Variants in ZMPSTE24 observed in about 807,000 individuals in gnomAD.
ZMPSTE24 encodes the protein CAAX prenyl protease 1 homolog.
A neutral mutation model predicts 56.7 loss-of-function variants in ZMPSTE24; 48 were observed. The observed-to-expected ratio is 0.85, with a 90% CI of 0.67 to 1.08. The LOEUF is 1.08. Among genes scored for constraint, ZMPSTE24 ranks in the 50% least tolerant of loss-of-function variants. The pLI is 0.00. For synonymous variants in ZMPSTE24, 172 were observed against 195.2 expected, an observed-to-expected ratio of 0.88 and a Z score of 0.99; for missense variants, 503 against 548.7, an observed-to-expected ratio of 0.92 and a Z score of 0.83.
At chr1:40,260,055 CT>C (rs11383054) in intron 1 of ZMPSTE24, among the ~76,000 whole-genome samples, 154 of 84,358 alleles carry the variant, frequency 1.8e-3, no homozygotes, top group South Asian at 2.5e-3. Flanking sequence ...GATCTTTCTC[CT>C]TTTTTTTTTT....
intron 8 of ZMPSTE24, among the ~76,000 whole-genome samples, chr1:40,287,385 T>C (rs923914341): frequency 7.9e-5 from 12 of 152,136 alleles, no homozygotes; most frequent in African/African-American, 2.9e-4. Flanking sequence ...ATTTTTTTCA[T>C]TTAAAAGTTA....
chr1:40,285,973 C>T lies in ZMPSTE24; in HGVS notation c.1003C>T (p.His335Tyr). 1 of 1,613,984 alleles carries T rather than the reference C, an allele frequency of 6.2e-7. No individual in the cohort carries two copies. The highest frequency in any genetic ancestry group is 8.5e-7 in the Non-Finnish European group (1 of 1,179,966). The change falls in exon 8 of 10, where the codon CAT becomes TAT. Residue 335 changes from histidine to tyrosine, a missense_variant. Physicochemically the swap from His to Tyr is moderately conservative, Grantham distance 83. Transcript: ENST00000372759. ...TGAGGAGGTACTCGCTGTACTAGGC[C>T]ATGAACTGGGGCACTGGAAGTTGGG... is the stretch of plus-strand genomic sequence containing the variant. ...KNEEVLAVLG[H>Y]ELGHWKLGHT...
rs765450248 is a variant in ZMPSTE24 at position 40,258,263 on chromosome 1, C to G, written c.-9C>G. Reference sequence around the variant, plus strand: ...TGCACGCTGAAGGAGCCGGCGGAACCGGGTGGCCATGGGGATGTGGGCATC... The same window carrying G: ...TGCACGCTGAAGGAGCCGGCGGAACGGGGTGGCCATGGGGATGTGGGCATC... On this transcript the variant is annotated 5_prime_UTR_variant, in exon 1 of 10. Transcript: ENST00000372759. 5.8e-5 allele frequency: 93 copies of G among 1,613,220 alleles called. No homozygotes were observed. The highest frequency in any genetic ancestry group is 1.1e-5 in the Non-Finnish European group (13 of 1,179,954).
chr1:40,261,090 C>A, intron 2 of ZMPSTE24, 105 bp downstream of exon 2: 2 of 1,414,636 alleles, frequency 1.4e-6, no homozygotes, highest in Non-Finnish European at 1.0e-6. Context: ...AGAATGCTTT[C>A]TTAACCTTTG....
intron 6 of ZMPSTE24, 29 bp downstream of exon 6, chr1:40,272,064 T>C: frequency 6.4e-7 from 1 of 1,572,766 alleles, no homozygotes; most frequent in Non-Finnish European, 8.6e-7. Flanking sequence ...AAGAAAGTTT[T>C]ATCCAAGTGG....
At chr1:40,282,918 A>G (rs1222539448) in intron 7 of ZMPSTE24, among the ~76,000 whole-genome samples, 1 of 152,192 alleles carries the variant, frequency 6.6e-6, no homozygotes, top group Non-Finnish European at 1.5e-5. Context: ...TACTAGGCTA[A>G]AGATACCTAC....
At chr1:40,279,256 T>C (rs560701036) in intron 6 of ZMPSTE24, among the ~76,000 whole-genome samples, 74 of 152,354 alleles carry the variant, frequency 4.9e-4, no homozygotes, top group African/African-American at 1.7e-3. Context: ...TCTATAATTT[T>C]AGAATTTAGT....
rs373295421 is a variant in ZMPSTE24 at position 40,275,677 on chromosome 1, A to G, written c.769+3642A>G. 9.0e-5 allele frequency among the ~76,000 whole-genome samples: 13 copies of G among 144,508 alleles called. 1 individual carries two copies. The highest frequency in any genetic ancestry group is 4.5e-4 in the East Asian group (2 of 4,444). The allele number at this position is 144,508 out of a possible 152,430, so 94.8% of individuals were successfully genotyped here. On this transcript the variant is annotated intron_variant, in intron 6 of 9. Coordinates refer to ENST00000372759, the MANE Select transcript of ZMPSTE24 (RefSeq NM_005857.5). ...TGAGGCAGGAGGATCGCTTGAATCT[A>G]GGAGGTAGAGGTTGCAGTGAGTCGA...
intron 2 of ZMPSTE24, among the ~76,000 whole-genome samples, chr1:40,264,877 C>CAAA (rs35889679): frequency 8.5e-4 from 45 of 53,060 alleles, no homozygotes; most frequent in African/African-American, 1.1e-3. Context: ...GATCCTGTCT[C>CAAA]AAAAAAAAAA....
At chr1:40,264,624 A>G (rs1412554171) in intron 2 of ZMPSTE24, among the ~76,000 whole-genome samples, 1 of 152,068 alleles carries the variant, frequency 6.6e-6, no homozygotes, top group African/African-American at 2.4e-5. Context: ...TCCTGTAATC[A>G]TAGCACTTCG....
In ZMPSTE24 at chr1:40,258,324, G is replaced by C; in HGVS notation, c.53G>C (p.Arg18Pro). The C allele has an allele frequency of 6.2e-7, 1 of 1,614,144 alleles. No homozygotes were observed. Among genetic ancestry groups the C allele is most frequent in the Admixed American group, 1.7e-5 (1 of 60,028 alleles). ...TTGTGGGAGATGCCGGCCGAGAAGC[G>C]TATCTTCGGGGCCGTGCTGCTCTTT... is the stretch of plus-strand genomic sequence containing the variant. ...DALWEMPAEK[R>P]IFGAVLLFSW... Residue 18 changes from arginine (R) to proline (P), a missense_variant, in exon 1 of 10, where the codon CGT (arginine) becomes CCT (proline). Transcript: ENST00000372759.
intron 2 of ZMPSTE24, chr1:40,262,979 A>G (rs542066058): frequency 9.9e-7 from 1 of 1,007,926 alleles, no homozygotes; most frequent in South Asian, 4.2e-5. Context: ...AGGCAATTAG[A>G]TGAGGTAGAC....
intron 7 of ZMPSTE24, among the ~76,000 whole-genome samples, chr1:40,283,174 G>C (rs573957607): frequency 5.9e-5 from 9 of 152,136 alleles, no homozygotes; most frequent in Non-Finnish European, 1.3e-4. Context: ...GAATAACCCA[G>C]TGATAACACT....
rs6676644 is a variant in ZMPSTE24, at chr1:40,276,227, C to T, written c.769+4192C>T. On this transcript the variant is annotated intron_variant, in intron 6 of 9. Coordinates refer to ENST00000372759, the MANE Select transcript of ZMPSTE24 (RefSeq NM_005857.5). ...TAGACATCCCTGTGGAGATGTCAGA[C>T]AGGTAACTGTATGTATGAGTCTGGA... is the stretch of plus-strand genomic sequence containing the variant. Among the ~76,000 whole-genome samples the T allele has an allele frequency of 0.9, 137,750 of 152,274 alleles. 62,467 individuals are homozygous for T. Among genetic ancestry groups the T allele is most frequent in the African/African-American group, 0.97 (40,357 of 41,564 alleles).
At chr1:40,266,760 A>AT (rs1557774301) in intron 2 of ZMPSTE24, among the ~76,000 whole-genome samples, 3 of 120,502 alleles carry the variant, frequency 2.5e-5, no homozygotes, top group Admixed American at 8.0e-5. Flanking sequence ...ATTTCGAACA[A>AT]GTTTTTTTTT....
At chr1:40,283,771 C>G (rs1643754741) in intron 7 of ZMPSTE24, among the ~76,000 whole-genome samples, 1 of 152,008 alleles carries the variant, frequency 6.6e-6, no homozygotes, top group East Asian at 1.9e-4. Context: ...TTTCTCCTCT[C>G]CATTTTTTAA....
chr1:40,261,073 A>G, intron 2 of ZMPSTE24, 88 bp downstream of exon 2: 1 of 1,500,932 alleles, frequency 6.7e-7, no homozygotes, highest in Non-Finnish European at 9.3e-7. Context: ...CCACACTTAC[A>G]AGTCCCAGAA....
Position 40,268,447 on chromosome 1 carries a change from T to C in ZMPSTE24, c.386T>C (p.Leu129Ser). 1 of 1,612,926 alleles carries C rather than the reference T, an allele frequency of 6.2e-7. No homozygotes were observed. Among genetic ancestry groups the C allele is most frequent in the Non-Finnish European group, 8.5e-7 (1 of 1,179,960 alleles). ...ACTCAGTCCCTGGTGTTTCTGCTGT[T>C]GGCTACACTTTTCAGTGCATTGACT... ...EITQSLVFLLLATLFSALTGL... is the reference protein window; with the variant it reads ...EITQSLVFLLSATLFSALTGL... Residue 129 changes from leucine (L) to serine (S), a missense_variant, in exon 4 of 10, where the codon TTG becomes TCG. Transcript: ENST00000372759.
Position 40,268,506 on chromosome 1 carries a change from A to T in ZMPSTE24, c.445A>T (p.Ile149Leu). Residue 149 changes from isoleucine to leucine, a missense_variant, in exon 4 of 10, where the codon ATA becomes TTA. Coordinates refer to ENST00000372759, the MANE Select transcript of ZMPSTE24 (RefSeq NM_005857.5). ...ATGGAGTCTTTATAATACTTTTGTG[A>T]TAGAAGAAAAACATGGCTTCAATCA... ...LPWSLYNTFV[I>L]EEKHGFNQQT... The T allele has an allele frequency of 6.2e-7, 1 of 1,610,538 alleles. No individual in the cohort carries two copies. Among genetic ancestry groups the T allele is most frequent in the Non-Finnish European group, 8.5e-7 (1 of 1,178,668 alleles).
Sources: allele counts gnomAD v4.1 joint callset (sites outside exome capture counted in the v4.1 genomes callset), GRCh38; gene constraint gnomAD v4.1.1; transcripts MANE v1.5; gene names NCBI Gene and HGNC (gene_info 2026-07-23, HGNC 2026-07-21).